Variants in CLPTM1 observed in about 807,000 individuals in gnomAD.
CLPTM1 encodes putative lipid scramblase CLPTM1.
Under a neutral mutation model 77.3 loss-of-function variants are expected in CLPTM1, and 21 were observed. The ratio of observed to expected loss-of-function variants is 0.27; its 90% CI spans 0.19 to 0.39. CLPTM1 has a LOEUF of 0.39. Ranked by LOEUF, CLPTM1 falls within the 10% of genes least tolerant of loss-of-function variation. CLPTM1 has a pLI of 1.00. For synonymous variants in CLPTM1, 373 were observed against 381.0 expected (o/e 0.98, Z 0.24); for missense variants, 642 against 921.2 (o/e 0.70, Z 3.92).
rs763928897 is a variant in CLPTM1, at chr19:44,987,377, G to A, written c.992G>A (p.Gly331Asp). 1.2e-6 allele frequency: 2 copies of A among 1,614,072 alleles called. No homozygotes were observed. Among genetic ancestry groups the A allele is most frequent in the Non-Finnish European group, 8.5e-7 (1 of 1,179,920 alleles). Residue 331 changes from glycine (G) to aspartate (D), a missense_variant, in exon 8 of 14, where the codon GGT (glycine) becomes GAT (aspartate). This residue lies in a region of CLPTM1 where 521 missense variants were observed against 800.4 expected (regional missense o/e 0.65). Coordinates refer to ENST00000337392, the MANE Select transcript of CLPTM1 (RefSeq NM_001294.4). ...ACCAAGTCGCCCTGGAACTTCCTGG[G>A]TGATGAGTTGTACGAGCAGTCAGAT... The part of the protein sequence containing the change: ...QSTKSPWNFL[G>D]DELYEQSDEE...
At chr19:44,955,520 C>T in intron 1 of CLPTM1, 53 bp downstream of exon 1, 2 of 1,257,616 alleles carry the variant, frequency 1.6e-6, no homozygotes, top group South Asian at 3.4e-5. Context: ...GGGGGGCCTC[C>T]CACGGGGCGT....
chr19:44,973,202 A>G lies in CLPTM1; in HGVS notation c.301A>G (p.Thr101Ala). ...CAGCCGCAACCTGTTCCCCAAAGAC[A>G]CTTTAATGGTAACTGCCGGGTGGTA... ...VASRNLFPKD[T>A]LMNLHVYISE... The change falls in exon 3 of 14, where the codon ACT (threonine) becomes GCT (alanine). Residue 101 changes from threonine to alanine, a missense_variant. Physicochemically the swap from Thr to Ala is moderately conservative, Grantham distance 58. Coordinates refer to ENST00000337392, the MANE Select transcript of CLPTM1 (RefSeq NM_001294.4). The G allele has an allele frequency of 6.2e-7, 1 of 1,614,006 alleles. No individual in the cohort carries two copies.
intron 5 of CLPTM1, among the ~76,000 whole-genome samples, chr19:44,981,489 G>C (rs1035079214): frequency 1.3e-5 from 2 of 152,170 alleles, no homozygotes; most frequent in African/African-American, 4.8e-5. Context: ...CTCCGACTCA[G>C]GAGGCTCAGG....
At chr19:44,957,346 G>A (rs574912068) in intron 1 of CLPTM1, among the ~76,000 whole-genome samples, 1 of 152,362 alleles carries the variant, frequency 6.6e-6, no homozygotes, top group African/African-American at 2.4e-5. Flanking sequence ...TCACTGTCTG[G>A]GGACTGGGAA....
intron 1 of CLPTM1, among the ~76,000 whole-genome samples, chr19:44,956,912 G>C (rs533840818): frequency 6.6e-6 from 1 of 152,154 alleles, no homozygotes; most frequent in Non-Finnish European, 1.5e-5. Flanking sequence ...AGGATTTCTC[G>C]AGCTCGGCAC....
intron 1 of CLPTM1, among the ~76,000 whole-genome samples, chr19:44,958,166 C>T (rs972311911): frequency 2.0e-5 from 3 of 152,054 alleles, no homozygotes; most frequent in African/African-American, 7.2e-5. Flanking sequence ...GAGAGGGAGT[C>T]CCAAAGATAC....
At chr19:44,985,015 G>A (rs764102502) in intron 5 of CLPTM1, among the ~76,000 whole-genome samples, 7 of 152,110 alleles carry the variant, frequency 4.6e-5, no homozygotes, top group South Asian at 4.1e-4. Context: ...TGATGGTGGC[G>A]TCCCCATGAT....
chr19:44,982,325 G>A (rs113562296), intron 5 of CLPTM1, among the ~76,000 whole-genome samples: 136 of 151,672 alleles, frequency 9.0e-4, no homozygotes, highest in African/African-American at 3.2e-3. Context: ...CTCTAGTCTG[G>A]GCGACAGAGC....
chr19:44,974,736 G>T lies in CLPTM1; in HGVS notation c.468+139G>T, dbSNP rs575149629. 3.7e-5 allele frequency: 34 copies of T among 930,090 alleles called. No homozygotes were observed. The African/African-American group carries it at 5.1e-4, about 14-fold the overall frequency. 57.6% of individuals were successfully genotyped at this position (930,090 alleles called of 1,614,324 possible). A position where few individuals can be genotyped will look rare whatever the true frequency, so the allele number is the denominator to read the frequency against. ...CCTTCCCTGGGCTCACATGGTCTGTGACCACAAGCCAGTCCCTGAGATCTC... is the reference window on the plus strand; with the variant it reads ...CCTTCCCTGGGCTCACATGGTCTGTTACCACAAGCCAGTCCCTGAGATCTC... On this transcript the variant is annotated intron_variant, in intron 4 of 13. Coordinates refer to ENST00000337392, the MANE Select transcript of CLPTM1 (RefSeq NM_001294.4).
chr19:44,974,280 G>A (rs948329407), intron 3 of CLPTM1, among the ~76,000 whole-genome samples, 159 bp from the exon 4 acceptor site: 1 of 152,144 alleles, frequency 6.6e-6, no homozygotes, highest in Non-Finnish European at 1.5e-5. Flanking sequence ...TATGAGAAAA[G>A]AGAAAATATG....
chr19:44,989,598 A>T (rs1660639811), intron 9 of CLPTM1, among the ~76,000 whole-genome samples: 1 of 151,560 alleles, frequency 6.6e-6, no homozygotes, highest in Admixed American at 6.6e-5. Flanking sequence ...GAGCTCTGGG[A>T]TGGGGTAGGG....
chr19:44,981,884 A>G (rs1970902875), intron 5 of CLPTM1, among the ~76,000 whole-genome samples: 1 of 152,180 alleles, frequency 6.6e-6, no homozygotes, highest in Non-Finnish European at 1.5e-5. Context: ...AGCCTGGATA[A>G]CAAAAGGAGA....
rs775092521 is a variant in CLPTM1, at chr19:44,990,381, C to T, written c.1133-14C>T. ...TCCTCAGCCTCCTGGTTCCCCCCTA[C>T]CCCCTGCGCACAGATATCCAGTTCT... On this transcript the variant is annotated splice_polypyrimidine_tract_variant and intron_variant, in intron 9 of 13. Coordinates refer to ENST00000337392, the MANE Select transcript of CLPTM1 (RefSeq NM_001294.4). The surrounding 1 kb of genome is among the most constrained non-coding windows in gnomAD (Gnocchi z 4.8). The T allele has an allele frequency of 3.1e-6, 5 of 1,612,584 alleles. No homozygotes were observed. The Admixed American group carries it at 6.7e-5, about 22-fold the overall frequency.
chr19:44,991,047 A>G lies in CLPTM1; in HGVS notation c.1419+102A>G. 2 of 1,301,150 alleles carry G rather than the reference A, an allele frequency of 1.5e-6. No individual in the cohort carries two copies. The highest frequency in any genetic ancestry group is 2.2e-6 in the Non-Finnish European group (2 of 918,020). The allele number at this position is 1,301,150 out of a possible 1,614,324, so 80.6% of individuals were successfully genotyped here. A position where few individuals can be genotyped will look rare whatever the true frequency, so the allele number is the denominator to read the frequency against. ...TCTGTCTGCCGGACCCATGCTTTACAGCCTGTGCCACATCCTCTGTGTCCC... is the reference window on the plus strand; with the variant it reads ...TCTGTCTGCCGGACCCATGCTTTACGGCCTGTGCCACATCCTCTGTGTCCC... On this transcript the variant is annotated intron_variant, in intron 11 of 13. Transcript: ENST00000337392. The surrounding 1 kb of genome is among the most constrained non-coding windows in gnomAD (Gnocchi z 5.4).
chr19:44,964,298 C>CTTTTT lies in CLPTM1; in HGVS notation c.185+2249_185+2253dup, dbSNP rs35539206. 9.1e-4 allele frequency among the ~76,000 whole-genome samples: 62 copies of CTTTTT among 68,156 alleles called. 7 individuals are homozygous for CTTTTT. Among genetic ancestry groups the CTTTTT allele is most frequent in the African/African-American group, 2.7e-3 (43 of 16,040 alleles). 44.7% of individuals were successfully genotyped at this position (68,156 alleles called of 152,430 possible). On this transcript the variant is annotated intron_variant, in intron 2 of 13. Coordinates refer to ENST00000337392, the MANE Select transcript of CLPTM1 (RefSeq NM_001294.4). ...TTTTAACCTATGTTTTCATTTTAAC[C>CTTTTT]TTTTTTTTTTTTTTTTTTTTTTTTT...
chr19:44,963,578 G>A (rs2122244043), intron 2 of CLPTM1, among the ~76,000 whole-genome samples: 1 of 151,848 alleles, frequency 6.6e-6, no homozygotes, highest in East Asian at 2.0e-4. Context: ...GCCTGCCTTG[G>A]CCTCCCAAAG....
At chr19:44,956,371 T>C (rs149210745) in intron 1 of CLPTM1, among the ~76,000 whole-genome samples, 188 of 152,330 alleles carry the variant, frequency 1.2e-3, no homozygotes, top group African/African-American at 4.4e-3. Context: ...GCCATATCCC[T>C]GCTGTCAGGG....
chr19:44,984,043 G>A (rs567558711), intron 5 of CLPTM1, among the ~76,000 whole-genome samples: 182 of 152,358 alleles, frequency 1.2e-3, no homozygotes, highest in African/African-American at 4.0e-3. Context: ...CTTCCTCCCC[G>A]GCAGCATTTG....
Position 44,988,136 on chromosome 19 carries a change from C to A in CLPTM1, c.1095C>A (p.Ile365=). 1 of 1,614,130 alleles carries A rather than the reference C, an allele frequency of 6.2e-7. No homozygotes were observed. Among genetic ancestry groups the A allele is most frequent in the Non-Finnish European group, 8.5e-7 (1 of 1,179,964 alleles). ...TGGCGCTCACCATCATCGTGTCTAT[C>A]GTTCACAGTGTCTTCGAGTTCCTGG... ...YLLALTIIVS[I]VHSVFEFLAF... is the part of the protein sequence containing the mutation. Residue 365 remains isoleucine, a synonymous_variant, in exon 9 of 14, where the codon ATC becomes ATA. Coordinates refer to ENST00000337392, the MANE Select transcript of CLPTM1 (RefSeq NM_001294.4).
Sources: allele counts gnomAD v4.1 joint callset (sites outside exome capture counted in the v4.1 genomes callset), GRCh38; gene constraint gnomAD v4.1.1; regional missense constraint gnomAD v4.1.1; non-coding constraint Gnocchi (gnomAD v3.1); transcripts MANE v1.5; gene names NCBI Gene and HGNC (gene_info 2026-07-23, HGNC 2026-07-21).